The following BABAM2 variants were observed in gnomAD, a reference collection of about 807,000 sequenced individuals.
BABAM2 encodes the protein BRISC and BRCA1 A complex member 2.
Under a neutral mutation model 54.7 loss-of-function variants are expected in BABAM2, and 31 were observed. That is an observed-to-expected ratio of 0.57 (90% CI 0.43 to 0.77). The LOEUF (loss-of-function observed/expected upper bound fraction) is 0.77. Ranked by LOEUF, BABAM2 falls within the 30% of genes least tolerant of loss-of-function variation. The pLI is 0.00. For synonymous variants in BABAM2, 167 were observed against 162.9 expected, an observed-to-expected ratio of 1.03 and a Z score of -0.19; for missense variants, 364 against 455.8, an observed-to-expected ratio of 0.80 and a Z score of 1.83.
chr2:28,120,200 C>G (rs180831007), intron 6 of BABAM2, among the ~76,000 whole-genome samples: 1 of 152,124 alleles, frequency 6.6e-6, no homozygotes, highest in African/African-American at 2.4e-5. Flanking sequence ...TACTTTTAAC[C>G]TATTTTGAAT....
intron 3 of BABAM2, among the ~76,000 whole-genome samples, chr2:27,971,329 A>G (rs1671203924): frequency 6.6e-6 from 1 of 152,194 alleles, no homozygotes. Flanking sequence ...TTATCTTTAG[A>G]GAATGAGAAA....
intron 11 of BABAM2, among the ~76,000 whole-genome samples, chr2:28,337,313 G>T (rs1486579451): frequency 6.6e-6 from 1 of 152,050 alleles, no homozygotes; most frequent in East Asian, 1.9e-4. Context: ...CCCCTCCACT[G>T]CCCCTTCCCT....
intron 4 of BABAM2, among the ~76,000 whole-genome samples, chr2:28,014,902 G>A (rs906026898): frequency 6.6e-6 from 1 of 152,104 alleles, no homozygotes; most frequent in African/African-American, 2.4e-5. Flanking sequence ...TAGCTATCAA[G>A]TTCAGAAAGT....
intron 7 of BABAM2, among the ~76,000 whole-genome samples, chr2:28,160,439 C>G (rs1276813580): frequency 6.6e-6 from 1 of 152,138 alleles, no homozygotes; most frequent in Non-Finnish European, 1.5e-5. Flanking sequence ...TTCTTCTGTT[C>G]AGTCAGCCAC....
At chr2:28,066,032 G>A (rs1310821192) in intron 6 of BABAM2, among the ~76,000 whole-genome samples, 2 of 149,798 alleles carry the variant, frequency 1.3e-5, no homozygotes, top group Non-Finnish European at 3.0e-5. Flanking sequence ...GGTGACACAT[G>A]CCTGTAGTCC....
At chr2:28,289,654 G>C (rs1572352288) in intron 10 of BABAM2, among the ~76,000 whole-genome samples, 2 of 152,234 alleles carry the variant, frequency 1.3e-5, no homozygotes, top group South Asian at 4.2e-4. Context: ...AGCTGGGCAT[G>C]GTGGCACACA....
rs1553356353 is a variant in BABAM2, at chr2:28,276,020, AAG to A, written c.935-22316_935-22315del. On this transcript the variant is annotated intron_variant, in intron 10 of 11. Coordinates refer to ENST00000379624, the MANE Select transcript of BABAM2 (RefSeq NM_199191.3). ...AAATTTTTATCTCAAAAAAAAAAAA[AAG>A]AAAGAAAGAAAAAAATGGGACTAAT... 7.4e-3 allele frequency among the ~76,000 whole-genome samples: 1,115 copies of A among 150,964 alleles called. 14 individuals are homozygous for A. The highest frequency in any genetic ancestry group is 0.025 in the African/African-American group (1,040 of 40,798).
intron 11 of BABAM2, among the ~76,000 whole-genome samples, chr2:28,316,669 G>T (rs1270277413): frequency 6.6e-6 from 1 of 152,100 alleles, no homozygotes; most frequent in African/African-American, 2.4e-5. Flanking sequence ...TCTCAGGGCA[G>T]AGCATCCTCT....
chr2:27,978,039 C>T (rs1671723111), intron 3 of BABAM2, among the ~76,000 whole-genome samples: 1 of 152,062 alleles, frequency 6.6e-6, no homozygotes, highest in Non-Finnish European at 1.5e-5. Flanking sequence ...TTTCGTAAAG[C>T]TCTGAAATGG....
Position 27,922,551 on chromosome 2 carries a change from G to A in BABAM2, c.129-7281G>A, listed in dbSNP as rs1056122355. Reference sequence around the variant, plus strand: ...TTCCCACTTTCATAATCTGTATAATGTGAGTTTAACTCCCTTTGTTCACTC... The same window carrying A: ...TTCCCACTTTCATAATCTGTATAATATGAGTTTAACTCCCTTTGTTCACTC... On this transcript the variant is annotated intron_variant, in intron 2 of 11. Transcript: ENST00000379624. Among the ~76,000 whole-genome samples the A allele has an allele frequency of 7.9e-5, 12 of 152,278 alleles. No individual in the cohort carries two copies. In the East Asian group the frequency reaches 1.5e-3, roughly 20 times the overall value.
intron 11 of BABAM2, among the ~76,000 whole-genome samples, chr2:28,335,668 T>C (rs557251857): frequency 1.5e-3 from 228 of 152,284 alleles, no homozygotes; most frequent in African/African-American, 5.2e-3. Flanking sequence ...ATGGGACAAG[T>C]GCCCCAGAAG....
intron 6 of BABAM2, among the ~76,000 whole-genome samples, chr2:28,105,404 A>G (rs1342788621): frequency 6.6e-6 from 1 of 152,172 alleles, no homozygotes; most frequent in Non-Finnish European, 1.5e-5. Flanking sequence ...TTCTCTGAGA[A>G]CTTGCCTCAT....
intron 10 of BABAM2, among the ~76,000 whole-genome samples, chr2:28,292,860 A>C (rs1369289503): frequency 2.6e-5 from 4 of 152,194 alleles, no homozygotes; most frequent in Non-Finnish European, 5.9e-5. Flanking sequence ...GGGTGAGAAG[A>C]AGGTTCTGCC....
rs1484528834 is a variant in BABAM2 at position 28,066,368 on chromosome 2, A to G, written c.570+20569A>G. Among the ~76,000 whole-genome samples, 4 of 151,998 alleles carry G rather than the reference A, an allele frequency of 2.6e-5. No individual in the cohort carries two copies. The South Asian group carries it at 6.2e-4, about 24-fold the overall frequency. On this transcript the variant is annotated intron_variant, in intron 6 of 11. Transcript: ENST00000379624. Reference sequence around the variant, plus strand: ...TAAAAGGCTTTTTATTCTTTAGTATATTGTTTGGGAATATTATTATATATA... The same window carrying G: ...TAAAAGGCTTTTTATTCTTTAGTATGTTGTTTGGGAATATTATTATATATA...
At chr2:28,239,570 C>G (rs921701349) in intron 8 of BABAM2, among the ~76,000 whole-genome samples, 1 of 152,084 alleles carries the variant, frequency 6.6e-6, no homozygotes. Flanking sequence ...AATAAAATCT[C>G]CTATTGTAAT....
At chr2:27,971,813 GCTTA>G (rs1317012416) in intron 3 of BABAM2, among the ~76,000 whole-genome samples, 3 of 151,760 alleles carry the variant, frequency 2.0e-5, no homozygotes, top group Non-Finnish European at 2.9e-5. Context: ...GGTTGAAAAA[GCTTA>G]CTTTCTTTTT....
At chr2:27,924,398 T>A (rs1667531174) in intron 2 of BABAM2, among the ~76,000 whole-genome samples, 1 of 152,060 alleles carries the variant, frequency 6.6e-6, no homozygotes, top group South Asian at 2.1e-4. Flanking sequence ...TGCTCTTTTT[T>A]TTTTTAGGCA....
chr2:28,283,015 A>AG (rs1558498534), intron 10 of BABAM2, among the ~76,000 whole-genome samples: 1 of 76,230 alleles, frequency 1.3e-5, no homozygotes, highest in African/African-American at 4.6e-5. Context: ...AAAAAAAAAA[A>AG]AAAGGAATGA....
chr2:28,188,447 G>T (rs1437454592), intron 7 of BABAM2, among the ~76,000 whole-genome samples: 1 of 152,216 alleles, frequency 6.6e-6, no homozygotes, highest in Non-Finnish European at 1.5e-5. Flanking sequence ...GATAGGGTCA[G>T]AACCCAATAA....
Sources: allele counts gnomAD v4.1 joint callset (sites outside exome capture counted in the v4.1 genomes callset), GRCh38; gene constraint gnomAD v4.1.1; transcripts MANE v1.5; gene names NCBI Gene and HGNC (gene_info 2026-07-23, HGNC 2026-07-21).